ELK3: variants seen among roughly 807,000 people sequenced by gnomAD.
ELK3 encodes ETS domain-containing protein Elk-3.
A neutral mutation model predicts 28.9 loss-of-function variants in ELK3; 10 were observed. That is an observed-to-expected ratio of 0.35 (90% CI 0.21 to 0.59). The LOEUF is 0.59. ELK3 is among the 20% of genes least tolerant of loss of function. The pLI, the probability that ELK3 is intolerant of heterozygous loss-of-function variation, is 0.82. For synonymous variants in ELK3, 272 were observed against 243.5 expected, an observed-to-expected ratio of 1.12 and a Z score of -1.09; for missense variants, 463 against 517.3, an observed-to-expected ratio of 0.90 and a Z score of 1.02.
At chr12:96,210,066 A>G (rs1951565855) in intron 1 of ELK3, among the ~76,000 whole-genome samples, 1 of 152,158 alleles carries the variant, frequency 6.6e-6, no homozygotes, top group African/African-American at 2.4e-5. Context: ...TTAATAGTAC[A>G]AAAATTTGGG....
chr12:96,246,373 A>T (rs188152704), intron 2 of ELK3, among the ~76,000 whole-genome samples: 34 of 152,366 alleles, frequency 2.2e-4, no homozygotes, highest in Admixed American at 2.0e-3. Context: ...AGGCTTCATA[A>T]ATGGCAGCTG....
chr12:96,210,597 A>ACACCCCCCCC (rs1416746905), intron 1 of ELK3, among the ~76,000 whole-genome samples: 26 of 148,926 alleles, frequency 1.7e-4, no homozygotes, highest in Admixed American at 7.4e-4. Context: ...ACACACACAC[A>ACACCCCCCCC]CCCCGAGTGG....
intron 2 of ELK3, among the ~76,000 whole-genome samples, chr12:96,241,134 C>A (rs1183012186): frequency 6.6e-6 from 1 of 152,174 alleles, no homozygotes; most frequent in Non-Finnish European, 1.5e-5. Flanking sequence ...GAGCTTTAAC[C>A]AGCCTAAGAA....
chr12:96,255,238 A>G (rs768065238), intron 3 of ELK3, among the ~76,000 whole-genome samples: 1 of 152,082 alleles, frequency 6.6e-6, no homozygotes, highest in Non-Finnish European at 1.5e-5. Flanking sequence ...GCTCCCTGGG[A>G]AAAGGCTAAA....
At chr12:96,212,194 C>G (rs1300001143) in intron 1 of ELK3, among the ~76,000 whole-genome samples, 1 of 152,190 alleles carries the variant, frequency 6.6e-6, no homozygotes, top group Non-Finnish European at 1.5e-5. Context: ...AGTTTCCTGC[C>G]TGCAACCTGC....
intron 1 of ELK3, among the ~76,000 whole-genome samples, chr12:96,196,843 C>T (rs1221528070): frequency 6.6e-6 from 1 of 150,522 alleles, no homozygotes; most frequent in Non-Finnish European, 1.5e-5. Flanking sequence ...TGATGGGGCC[C>T]CTTTATTGAC....
intron 2 of ELK3, among the ~76,000 whole-genome samples, chr12:96,228,511 A>G (rs1951720778): frequency 6.6e-6 from 1 of 150,548 alleles, no homozygotes; most frequent in Non-Finnish European, 1.5e-5. Context: ...GCCGGATCTG[A>G]GTATTATGGC....
chr12:96,203,541 C>T (rs1036673684), intron 1 of ELK3, among the ~76,000 whole-genome samples: 4 of 152,194 alleles, frequency 2.6e-5, no homozygotes, highest in African/African-American at 7.2e-5. Context: ...TATAGCCCCA[C>T]CTTGTTTTGC....
chr12:96,228,578 C>G (rs2060302486), intron 2 of ELK3, among the ~76,000 whole-genome samples: 1 of 152,104 alleles, frequency 6.6e-6, no homozygotes, highest in South Asian at 2.1e-4. Flanking sequence ...TGACTGAAGA[C>G]AGATGACAAC....
chr12:96,203,829 T>C (rs1458530136), intron 1 of ELK3, among the ~76,000 whole-genome samples: 2 of 152,148 alleles, frequency 1.3e-5, no homozygotes, highest in South Asian at 2.1e-4. Context: ...TAATCCTAGC[T>C]ACTTGGGAGG....
At chr12:96,215,629 CTT>C (rs10611662) in intron 1 of ELK3, among the ~76,000 whole-genome samples, 5,192 of 133,432 alleles carry the variant, frequency 0.039, 322 homozygotes, top group African/African-American at 0.13. Context: ...GACATAAAAC[CTT>C]TTTTTTTTTT....
intron 3 of ELK3, among the ~76,000 whole-genome samples, chr12:96,258,684 G>C (rs1407518439): frequency 6.6e-6 from 1 of 152,196 alleles, no homozygotes; most frequent in Admixed American, 6.5e-5. Flanking sequence ...AAGCCATGCA[G>C]ACTTAGCAGC....
intron 1 of ELK3, among the ~76,000 whole-genome samples, chr12:96,196,784 T>C (rs1285856288): frequency 6.9e-6 from 1 of 145,814 alleles, no homozygotes; most frequent in Non-Finnish European, 1.5e-5. Context: ...AAATGTTGCG[T>C]AGAAATGTGT....
At position 96,267,113 on chromosome 12, in the gene ELK3, T is replaced by G; in HGVS notation, c.1157T>G (p.Val386Gly). 1.2e-6 allele frequency: 2 copies of G among 1,613,690 alleles called. No homozygotes were observed. Among genetic ancestry groups the G allele is most frequent in the South Asian group, 2.2e-5 (2 of 90,958 alleles). Residue 386 changes from valine to glycine, a missense_variant, in exon 5 of 5, where the codon GTG (valine) becomes GGG (glycine). This residue lies in a region of ELK3 where 408 missense variants were observed against 414.8 expected (regional missense o/e 0.98). Coordinates refer to ENST00000228741, the MANE Select transcript of ELK3 (RefSeq NM_005230.4). ...FPTLLNGHMP[V>G]PIPSLDRAAS... ...ACACTGCTTAATGGCCACATGCCAG[T>G]GCCAATCCCCAGTCTGGACAGAGCT...
intron 4 of ELK3, among the ~76,000 whole-genome samples, chr12:96,266,518 T>C (rs1463805033): frequency 6.6e-6 from 1 of 152,122 alleles, no homozygotes; most frequent in African/African-American, 2.4e-5. Context: ...ATGAGTGATC[T>C]GTGTGATATT....
At chr12:96,198,306 C>G (rs1951485412) in intron 1 of ELK3, among the ~76,000 whole-genome samples, 1 of 152,150 alleles carries the variant, frequency 6.6e-6, no homozygotes, top group Non-Finnish European at 1.5e-5. Flanking sequence ...AAGTGATGCT[C>G]CCACCTCAGC....
chr12:96,259,183 C>T (rs915592050), intron 3 of ELK3, among the ~76,000 whole-genome samples: 1 of 152,148 alleles, frequency 6.6e-6, no homozygotes, highest in African/African-American at 2.4e-5. Flanking sequence ...GAATTTTCCA[C>T]CAGAATGTTT....
chr12:96,219,945 G>A (rs1024460657), intron 1 of ELK3, among the ~76,000 whole-genome samples: 1 of 152,174 alleles, frequency 6.6e-6, no homozygotes, highest in East Asian at 1.9e-4. Flanking sequence ...GCGAGGCTGG[G>A]CATGCCTCAG....
intron 1 of ELK3, among the ~76,000 whole-genome samples, chr12:96,194,955 C>T (rs1304041341): frequency 6.8e-6 from 1 of 147,072 alleles, no homozygotes; most frequent in African/African-American, 2.5e-5. Flanking sequence ...GGGCCCGGGG[C>T]TGCGGGGACC....
Sources: allele counts gnomAD v4.1 joint callset (sites outside exome capture counted in the v4.1 genomes callset), GRCh38; gene constraint gnomAD v4.1.1; regional missense constraint gnomAD v4.1.1; transcripts MANE v1.5; gene names NCBI Gene and HGNC (gene_info 2026-07-23, HGNC 2026-07-21).